The following HSF5 variants were observed in gnomAD, a reference collection of about 807,000 sequenced individuals.
The protein encoded by HSF5 is heat shock factor protein 5.
HSF5 carries 5 observed loss-of-function variants against 50.8 expected under a neutral mutation model. The ratio of observed to expected loss-of-function variants is 0.10; its 90% CI spans 0.05 to 0.21. HSF5 has a LOEUF of 0.21. HSF5 is among the 10% of genes least tolerant of loss of function. HSF5 has a pLI of 1.00. For synonymous variants in HSF5, 307 were observed against 307.4 expected (o/e 1.00, Z 0.02); for missense variants, 564 against 762.6 (o/e 0.74, Z 3.07).
chr17:58,450,984 G>C (rs1974633376), intron 5 of HSF5, among the ~76,000 whole-genome samples: 1 of 152,138 alleles, frequency 6.6e-6, no homozygotes, highest in Admixed American at 6.6e-5. Flanking sequence ...AGCTACTTGG[G>C]AGGCTGAGGC....
intron 2 of HSF5, chr17:58,476,267 C>T: frequency 1.0e-6 from 1 of 954,076 alleles, no homozygotes; most frequent in South Asian, 1.3e-5. Context: ...TCTCCTTCTT[C>T]ATCATCCATA....
chr17:58,488,398 C>A lies in HSF5; in HGVS notation c.-124G>T. ...CGCCCATCCGCCGCGTACCAGGGACCGTTGGCGCACGAGGCCCCGCGGCGC... is the reference window on the plus strand; with the variant it reads ...CGCCCATCCGCCGCGTACCAGGGACAGTTGGCGCACGAGGCCCCGCGGCGC... On this transcript the variant is annotated 5_prime_UTR_variant, in exon 1 of 6. Transcript: ENST00000323777. This position sits in a 1 kb window ranked among gnomAD's most constrained non-coding sequence, Gnocchi z 4.1. 7.8e-7 allele frequency: 1 copy of A among 1,289,336 alleles called. No homozygotes were observed. The highest frequency in any genetic ancestry group is 9.8e-7 in the Non-Finnish European group (1 of 1,023,554). 79.9% of individuals were successfully genotyped at this position (1,289,336 alleles called of 1,614,324 possible). A position where few individuals can be genotyped will look rare whatever the true frequency, so the allele number is the denominator to read the frequency against.
chr17:58,450,424 A>G (rs1974623272), intron 5 of HSF5, among the ~76,000 whole-genome samples: 1 of 152,008 alleles, frequency 6.6e-6, no homozygotes, highest in Non-Finnish European at 1.5e-5. Context: ...CCATCATCCA[A>G]ACAAGAAGAG....
At chr17:58,440,858 C>G (rs916413139) in intron 5 of HSF5, among the ~76,000 whole-genome samples, 3 of 151,910 alleles carry the variant, frequency 2.0e-5, no homozygotes, top group Non-Finnish European at 4.4e-5. Flanking sequence ...GCACATTAGA[C>G]CTAGTCTCAG....
At chr17:58,451,031 G>A (rs570804948) in intron 5 of HSF5, among the ~76,000 whole-genome samples, 3 of 152,308 alleles carry the variant, frequency 2.0e-5, no homozygotes, top group African/African-American at 7.2e-5. Flanking sequence ...GGAGGTTGTA[G>A]TGAGCTGGGA....
At chr17:58,447,705 G>A (rs1253555905) in intron 5 of HSF5, among the ~76,000 whole-genome samples, 1 of 152,140 alleles carries the variant, frequency 6.6e-6, no homozygotes, top group East Asian at 1.9e-4. Flanking sequence ...TGGTTACAGT[G>A]ACCACAGGCT....
At chr17:58,424,748 T>G (rs1974272084) in intron 5 of HSF5, among the ~76,000 whole-genome samples, 2 of 152,058 alleles carry the variant, frequency 1.3e-5, no homozygotes, top group Non-Finnish European at 2.9e-5. Context: ...ATGGCACCAC[T>G]GCACTCCAGT....
intron 5 of HSF5, among the ~76,000 whole-genome samples, chr17:58,430,983 CAT>C (rs1045964821): frequency 6.6e-6 from 1 of 152,154 alleles, no homozygotes; most frequent in Admixed American, 6.6e-5. Context: ...TGAATTCCCA[CAT>C]GTTGTGGGAG....
Position 58,480,223 on chromosome 17 carries a change from T to C in HSF5, c.595A>G (p.Ser199Gly), listed in dbSNP as rs2143806965. 6.2e-7 allele frequency: 1 copy of C among 1,612,680 alleles called. No homozygotes were observed. Among genetic ancestry groups the C allele is most frequent in the East Asian group, 2.2e-5 (1 of 44,870 alleles). ...GQFHRSFRRD[S>G]LSPYSCVSTP... ...GATACACAGGAGTAAGGAGACAAAC[T>C]ATCTCGACGAAATGACCGGTGAAAT... The change falls in exon 2 of 6, where the codon AGT (serine) becomes GGT (glycine). Residue 199 changes from serine to glycine, a missense_variant. Physicochemically the swap from Ser to Gly is moderately conservative, Grantham distance 56. This residue lies in a region of HSF5 where 441 missense variants were observed against 533.6 expected (regional missense o/e 0.83). Coordinates refer to ENST00000323777, the MANE Select transcript of HSF5 (RefSeq NM_001080439.3).
At chr17:58,422,582 C>A (rs1974241359) in intron 5 of HSF5, 152 bp from the exon 6 acceptor site, 4 of 574,526 alleles carry the variant, frequency 7.0e-6, no homozygotes, top group Non-Finnish European at 1.2e-5. Flanking sequence ...TCGGGATATT[C>A]CTGTAACTCT....
At position 58,444,817 on chromosome 17, in the gene HSF5, T is replaced by C. The variant is rs1311853945; in HGVS notation, c.1720+13951A>G. Among the ~76,000 whole-genome samples the C allele has an allele frequency of 2.6e-5, 4 of 152,288 alleles. No homozygotes were observed. In the South Asian group the frequency reaches 8.3e-4, roughly 32 times the overall value. On this transcript the variant is annotated intron_variant, in intron 5 of 5. Transcript: ENST00000323777. ...GCAACTCACAGAATGGGAGAAAATA[T>C]TTGTAAATCATATTCGCTAAGGGGT... is the stretch of plus-strand genomic sequence containing the variant.
At chr17:58,460,478 TACACACACAC>T (rs34994266) in intron 4 of HSF5, among the ~76,000 whole-genome samples, 7 of 137,660 alleles carry the variant, frequency 5.1e-5, no homozygotes, top group Non-Finnish European at 7.7e-5. Flanking sequence ...TACATATATA[TACACACACAC>T]ACACACACAC....
intron 5 of HSF5, among the ~76,000 whole-genome samples, chr17:58,437,051 C>T (rs1276278247): frequency 1.3e-5 from 2 of 152,166 alleles, no homozygotes; most frequent in African/African-American, 4.8e-5. Flanking sequence ...TACACATACA[C>T]ATGCCTAGCA....
chr17:58,478,539 T>C lies in HSF5; in HGVS notation c.925+1354A>G, dbSNP rs183926051. Among the ~76,000 whole-genome samples the C allele has an allele frequency of 1.5e-4, 21 of 140,378 alleles. No individual in the cohort carries two copies. The East Asian group carries it at 4.4e-3, about 29-fold the overall frequency. The allele number at this position is 140,378 out of a possible 152,430, so 92.1% of individuals were successfully genotyped here. A position where few individuals can be genotyped will look rare whatever the true frequency, so the allele number is the denominator to read the frequency against. ...AATACATTTGAGTGAAATGGTAAGA[T>C]TATATTGCAAAAAGTTTTCTATTAA... On this transcript the variant is annotated intron_variant, in intron 2 of 5. Transcript: ENST00000323777.
intron 5 of HSF5, among the ~76,000 whole-genome samples, chr17:58,438,224 C>T (rs1453534688): frequency 6.6e-6 from 1 of 152,088 alleles, no homozygotes; most frequent in Non-Finnish European, 1.5e-5. Flanking sequence ...TGTTTAGATA[C>T]ACAAATACCA....
chr17:58,430,449 G>C (rs1195242363), intron 5 of HSF5, among the ~76,000 whole-genome samples: 1 of 152,208 alleles, frequency 6.6e-6, no homozygotes, highest in Non-Finnish European at 1.5e-5. Flanking sequence ...ACTAGGTGGG[G>C]AAGATCTGCT....
intron 3 of HSF5, among the ~76,000 whole-genome samples, chr17:58,465,014 T>C (rs1974842208): frequency 6.7e-6 from 1 of 150,198 alleles, no homozygotes; most frequent in Middle Eastern, 3.4e-3. Flanking sequence ...TAGCTCACTA[T>C]AGCCTCAAAC....
intron 5 of HSF5, among the ~76,000 whole-genome samples, chr17:58,433,931 T>TTTTTTTTTTG (rs1974394332): frequency 1.3e-5 from 2 of 149,826 alleles, no homozygotes; most frequent in Admixed American, 6.7e-5. Context: ...TTTTTTTTTT[T>TTTTTTTTTTG]AGATGGAGCT....
At position 58,433,911 on chromosome 17, in the gene HSF5, A is replaced by ATTTTT. The variant is rs59043902; in HGVS notation, c.1721-11486_1721-11482dup. On this transcript the variant is annotated intron_variant, in intron 5 of 5. Coordinates refer to ENST00000323777, the MANE Select transcript of HSF5 (RefSeq NM_001080439.3). ...GAGGTATGAAGGAAAGGTCAAAGGG[A>ATTTTT]TTTTTTTTTTTTTTTTTTTTAGATG... Among the ~76,000 whole-genome samples, 9 of 109,340 alleles carry ATTTTT rather than the reference A, an allele frequency of 8.2e-5. 2 individuals are homozygous for ATTTTT. Among genetic ancestry groups the ATTTTT allele is most frequent in the Non-Finnish European group, 1.1e-4 (6 of 56,190 alleles). The allele number at this position is 109,340 out of a possible 152,430, so 71.7% of individuals were successfully genotyped here.
Sources: allele counts gnomAD v4.1 joint callset (sites outside exome capture counted in the v4.1 genomes callset), GRCh38; gene constraint gnomAD v4.1.1; regional missense constraint gnomAD v4.1.1; non-coding constraint Gnocchi (gnomAD v3.1); transcripts MANE v1.5; gene names NCBI Gene and HGNC (gene_info 2026-07-23, HGNC 2026-07-21).